The following F13A1 variants were observed in gnomAD, a reference collection of about 807,000 sequenced individuals.
F13A1 encodes the protein FSF, A subunit.
Under a neutral mutation model 80.1 loss-of-function variants are expected in F13A1, and 47 were observed. The observed-to-expected ratio is 0.59, with a 90% CI of 0.46 to 0.75. F13A1 has a LOEUF of 0.75. Among genes scored for constraint, F13A1 ranks in the 30% least tolerant of loss-of-function variants. F13A1 has a pLI of 0.00. For missense variants in F13A1, 817 were observed against 930.4 expected (o/e 0.88, Z 1.59); for synonymous variants, 349 against 344.9 (o/e 1.01, Z -0.13).
chr6:6,255,629 T>G lies in F13A1; in HGVS notation c.572-4700A>C, dbSNP rs17141939. 7.4e-3 allele frequency among the ~76,000 whole-genome samples: 1,119 copies of G among 152,180 alleles called. 9 individuals carry two copies. The highest frequency in any genetic ancestry group is 0.026 in the African/African-American group (1,065 of 41,462). On this transcript the variant is annotated intron_variant, in intron 4 of 14. Transcript: ENST00000264870. ...GTCCAAGAAAATGAAGGATTTACCT[T>G]TGGGCTTTGCGTTAGTATTGATGGG...
At chr6:6,317,590 C>T (rs1328796187) in intron 2 of F13A1, among the ~76,000 whole-genome samples, 1 of 152,118 alleles carries the variant, frequency 6.6e-6, no homozygotes, top group Admixed American at 6.5e-5. Context: ...TGCACTTCCC[C>T]TTTCCCTTTG....
At chr6:6,287,395 T>G (rs9328349) in intron 3 of F13A1, among the ~76,000 whole-genome samples, 11,360 of 152,242 alleles carry the variant, frequency 0.075, 1,109 homozygotes, top group African/African-American at 0.22. Context: ...TTATGAATTC[T>G]TGTAAGTGAA....
intron 6 of F13A1, among the ~76,000 whole-genome samples, chr6:6,239,440 T>G (rs377359415): frequency 6.6e-6 from 1 of 152,056 alleles, no homozygotes; most frequent in Non-Finnish European, 1.5e-5. Flanking sequence ...ATATCCATGA[T>G]TTTTTACTGT....
intron 6 of F13A1, among the ~76,000 whole-genome samples, chr6:6,237,998 G>T (rs1318290714): frequency 2.0e-5 from 3 of 152,102 alleles, no homozygotes; most frequent in African/African-American, 7.2e-5. Context: ...AAAGGATCTA[G>T]AATAATTAAA....
At chr6:6,263,853 A>G (rs1757809173) in intron 4 of F13A1, among the ~76,000 whole-genome samples, 1 of 152,174 alleles carries the variant, frequency 6.6e-6, no homozygotes, top group Admixed American at 6.5e-5. Context: ...TTTGTTCTAA[A>G]TACAAAATAG....
chr6:6,195,205 C>T (rs1761267992), intron 10 of F13A1, among the ~76,000 whole-genome samples: 1 of 152,236 alleles, frequency 6.6e-6, no homozygotes, highest in Non-Finnish European at 1.5e-5. Context: ...AATGGCAGAG[C>T]CTTTGCCCAG....
At chr6:6,190,426 T>C (rs540345917) in intron 10 of F13A1, among the ~76,000 whole-genome samples, 89 of 151,248 alleles carry the variant, frequency 5.9e-4, no homozygotes, top group Middle Eastern at 3.4e-3. Flanking sequence ...TTCTGTTTGT[T>C]AGTTTTCCTT....
chr6:6,244,267 A>C (rs1757525538), intron 6 of F13A1, among the ~76,000 whole-genome samples: 1 of 152,234 alleles, frequency 6.6e-6, no homozygotes, highest in East Asian at 1.9e-4. Context: ...CACATCAGAA[A>C]TGCATTGAAA....
At chr6:6,165,285 G>A (rs1241594035) in intron 13 of F13A1, among the ~76,000 whole-genome samples, 1 of 152,168 alleles carries the variant, frequency 6.6e-6, no homozygotes, top group Non-Finnish European at 1.5e-5. Context: ...CTAACTTGTG[G>A]GATAAGGTAT....
intron 13 of F13A1, among the ~76,000 whole-genome samples, chr6:6,155,596 G>A (rs1322278404): frequency 2.0e-5 from 3 of 151,862 alleles, no homozygotes; most frequent in Non-Finnish European, 4.4e-5. Flanking sequence ...TGATGATAAT[G>A]AGCCTTAGAC....
At chr6:6,150,421 G>A (rs988773774) in intron 14 of F13A1, among the ~76,000 whole-genome samples, 4 of 152,094 alleles carry the variant, frequency 2.6e-5, no homozygotes, top group African/African-American at 9.7e-5. Flanking sequence ...TGCTTGCGTT[G>A]TTTCAAAAGC....
chr6:6,298,039 T>A (rs965682068), intron 3 of F13A1, among the ~76,000 whole-genome samples: 1 of 151,256 alleles, frequency 6.6e-6, no homozygotes, highest in Non-Finnish European at 1.5e-5. Flanking sequence ...TTGTTCAGTT[T>A]CCATGTAGTT....
chr6:6,181,640 G>C (rs1760987761), intron 11 of F13A1, among the ~76,000 whole-genome samples: 1 of 152,042 alleles, frequency 6.6e-6, no homozygotes, highest in South Asian at 2.1e-4. Flanking sequence ...TCTATTATTG[G>C]ACTAAAATTA....
intron 3 of F13A1, among the ~76,000 whole-genome samples, chr6:6,304,724 G>A (rs780523156): frequency 1.2e-4 from 19 of 152,018 alleles, no homozygotes; most frequent in Admixed American, 7.2e-4. Flanking sequence ...TTAGCTGGGC[G>A]TAATGGTGTG....
intron 8 of F13A1, among the ~76,000 whole-genome samples, chr6:6,201,718 GTTTT>G: frequency 6.6e-6 from 1 of 152,120 alleles, no homozygotes; most frequent in African/African-American, 2.4e-5. Flanking sequence ...GTTTTGTTTT[GTTTT>G]GTTTTCTTGA....
intron 8 of F13A1, among the ~76,000 whole-genome samples, chr6:6,215,239 T>G (rs1761701988): frequency 7.6e-6 from 1 of 131,244 alleles, no homozygotes; most frequent in African/African-American, 2.7e-5. Context: ...AAAGAGAATT[T>G]TAGACCAATA....
chr6:6,166,608 G>A (rs1435752045), intron 13 of F13A1, among the ~76,000 whole-genome samples: 1 of 152,190 alleles, frequency 6.6e-6, no homozygotes, highest in Admixed American at 6.5e-5. Context: ...CCAGAAGCCT[G>A]GGTTCCTGCT....
intron 11 of F13A1, among the ~76,000 whole-genome samples, chr6:6,181,156 C>T (rs1185096424): frequency 5.9e-5 from 9 of 152,204 alleles, no homozygotes; most frequent in Non-Finnish European, 1.2e-4. Context: ...GTCATGTTCA[C>T]ACTGTCTGGA....
chr6:6,219,101 C>G (rs896405184), intron 8 of F13A1, among the ~76,000 whole-genome samples: 1 of 152,066 alleles, frequency 6.6e-6, no homozygotes, highest in South Asian at 2.1e-4. Context: ...GAGAGGGGCC[C>G]CAGCCACAAA....
Sources: allele counts gnomAD v4.1 joint callset (sites outside exome capture counted in the v4.1 genomes callset), GRCh38; gene constraint gnomAD v4.1.1; transcripts MANE v1.5; gene names NCBI Gene and HGNC (gene_info 2026-07-23, HGNC 2026-07-21).